The following ULK4 variants were observed in gnomAD, a reference collection of about 807,000 sequenced individuals.
ULK4 encodes inactive serine/threonine-protein kinase ULK4.
Under a neutral mutation model 160.6 loss-of-function variants are expected in ULK4, and 133 were observed. That is an observed-to-expected ratio of 0.83 (90% CI 0.72 to 0.96). The LOEUF (loss-of-function observed/expected upper bound fraction) is 0.96. Ranked by LOEUF, ULK4 falls within the 40% of genes least tolerant of loss-of-function variation. The pLI is 0.00. For synonymous variants in ULK4, 534 were observed against 539.8 expected (o/e 0.99, Z 0.15); for missense variants, 1,580 against 1,499.5 (o/e 1.05, Z -0.89).
At chr3:41,574,422 C>T (rs62256950) in intron 31 of ULK4, among the ~76,000 whole-genome samples, 48,974 of 151,692 alleles carry the variant, frequency 0.32, 9,170 homozygotes, top group African/African-American at 0.53. Context: ...CTCTGCTCTC[C>T]ATTCCCACTT....
chr3:41,935,209 A>ATTTATTTTTTTTTTTTTTTTTTT (rs1559660879), intron 4 of ULK4, among the ~76,000 whole-genome samples: 15 of 135,538 alleles, frequency 1.1e-4, no homozygotes, highest in South Asian at 4.5e-4. Context: ...TTATTTATTT[A>ATTTATTTTTTTTTTTTTTTTTTT]TTTTTTTTTT....
chr3:41,623,690 C>T (rs1488785788), intron 30 of ULK4, among the ~76,000 whole-genome samples: 1 of 151,908 alleles, frequency 6.6e-6, no homozygotes, highest in East Asian at 1.9e-4. Context: ...ATGGTGGTTA[C>T]CAGAGTGGGA....
At chr3:41,650,821 T>TG (rs2034710736) in intron 30 of ULK4, among the ~76,000 whole-genome samples, 1 of 152,196 alleles carries the variant, frequency 6.6e-6, no homozygotes, top group East Asian at 1.9e-4. Flanking sequence ...CAATATTTTA[T>TG]TTATAAAAGC....
chr3:41,286,691 C>T (rs9849601), intron 35 of ULK4, among the ~76,000 whole-genome samples: 37,620 of 152,100 alleles, frequency 0.25, 6,882 homozygotes, highest in African/African-American at 0.51. Context: ...GGAGTAGCAC[C>T]GGAACACAGA....
At chr3:41,936,023 G>C (rs892123635) in intron 3 of ULK4, 83 bp from the exon 4 acceptor site, 1 of 1,529,606 alleles carries the variant, frequency 6.5e-7, no homozygotes, top group Non-Finnish European at 8.8e-7. Context: ...TGACAGATAC[G>C]AACATTAAAA....
chr3:41,435,671 G>A (rs2083017399), intron 34 of ULK4, among the ~76,000 whole-genome samples: 1 of 152,214 alleles, frequency 6.6e-6, no homozygotes, highest in African/African-American at 2.4e-5. Flanking sequence ...GACAGGCTGG[G>A]TGCAGTGGCT....
chr3:41,726,993 C>T (rs1380444050), intron 22 of ULK4, among the ~76,000 whole-genome samples: 4 of 152,014 alleles, frequency 2.6e-5, no homozygotes, highest in African/African-American at 9.7e-5. Flanking sequence ...TACCCATTTC[C>T]CAAACTACTG....
At chr3:41,581,722 C>G (rs2030357975) in intron 31 of ULK4, among the ~76,000 whole-genome samples, 1 of 152,146 alleles carries the variant, frequency 6.6e-6, no homozygotes, top group South Asian at 2.1e-4. Flanking sequence ...CATGGTAGGT[C>G]AGACAAACGC....
intron 35 of ULK4, among the ~76,000 whole-genome samples, chr3:41,368,527 C>T (rs947657002): frequency 2.6e-5 from 4 of 152,126 alleles, no homozygotes; most frequent in African/African-American, 9.7e-5. Flanking sequence ...ACACCCATTC[C>T]CCTCTCTCTA....
chr3:41,691,403 T>TG (rs1471809354), intron 27 of ULK4, among the ~76,000 whole-genome samples: 1 of 151,820 alleles, frequency 6.6e-6, no homozygotes, highest in East Asian at 1.9e-4. Flanking sequence ...CAACTGTACT[T>TG]TACTTCCTTT....
intron 20 of ULK4, among the ~76,000 whole-genome samples, chr3:41,797,410 A>G (rs1015995154): frequency 2.0e-5 from 3 of 152,330 alleles, no homozygotes; most frequent in Non-Finnish European, 2.9e-5. Context: ...AGAGTCATCA[A>G]TGGATGCTAT....
intron 35 of ULK4, among the ~76,000 whole-genome samples, chr3:41,320,647 C>T (rs550008359): frequency 1.2e-4 from 15 of 124,740 alleles, no homozygotes; most frequent in Admixed American, 1.2e-3. Context: ...CTGGGTGCAG[C>T]GGCTCATGCC....
chr3:41,670,255 A>T (rs2035493569), intron 29 of ULK4, among the ~76,000 whole-genome samples: 1 of 152,202 alleles, frequency 6.6e-6, no homozygotes, highest in East Asian at 1.9e-4. Flanking sequence ...ACATTCCTCT[A>T]GACTGCTACA....
chr3:41,741,013 A>G (rs181741391), intron 22 of ULK4, among the ~76,000 whole-genome samples: 1 of 151,952 alleles, frequency 6.6e-6, no homozygotes, highest in Admixed American at 6.5e-5. Flanking sequence ...ACAATAATTT[A>G]TATTACTAAA....
chr3:41,927,372 G>A lies in ULK4; in HGVS notation c.541+4472C>T, dbSNP rs1251482142. ...GCACTAAACATGGAAAGGAAAAACC[G>A]GTACCAGCCACTGCAAAAACATACC... On this transcript the variant is annotated intron_variant, in intron 5 of 36. Transcript: ENST00000301831. Among the ~76,000 whole-genome samples the A allele has an allele frequency of 1.2e-3, 175 of 152,064 alleles. 1 individual carries two copies. The highest frequency in any genetic ancestry group is 2.6e-4 in the Non-Finnish European group (18 of 68,022).
chr3:41,947,242 C>T (rs778799550), intron 2 of ULK4, among the ~76,000 whole-genome samples: 7 of 152,130 alleles, frequency 4.6e-5, no homozygotes, highest in Non-Finnish European at 7.4e-5. Flanking sequence ...ACCCAGGAGA[C>T]GGAGCTTGCG....
intron 30 of ULK4, among the ~76,000 whole-genome samples, chr3:41,643,007 TC>T (rs1262897947): frequency 1.3e-5 from 2 of 152,344 alleles, no homozygotes; most frequent in Middle Eastern, 3.4e-3. Context: ...AAGTGTCTGT[TC>T]ATATCCTTCG....
At chr3:41,741,830 T>C (rs535144972) in intron 22 of ULK4, among the ~76,000 whole-genome samples, 1 of 151,734 alleles carries the variant, frequency 6.6e-6, no homozygotes, top group East Asian at 1.9e-4. Context: ...CTCTGAAAGG[T>C]GGAAAAAAGG....
chr3:41,610,027 T>C (rs891991313), intron 31 of ULK4, among the ~76,000 whole-genome samples: 1 of 151,508 alleles, frequency 6.6e-6, no homozygotes, highest in African/African-American at 2.4e-5. Flanking sequence ...TTTATTTTTT[T>C]TTTTTTGGAA....
Sources: allele counts gnomAD v4.1 joint callset (sites outside exome capture counted in the v4.1 genomes callset), GRCh38; gene constraint gnomAD v4.1.1; transcripts MANE v1.5; gene names NCBI Gene and HGNC (gene_info 2026-07-23, HGNC 2026-07-21).